The following SPAG1 variants were observed in gnomAD, a reference collection of about 807,000 sequenced individuals.
SPAG1 encodes the protein sperm-associated antigen 1.
SPAG1 carries 69 observed loss-of-function variants against 100.5 expected under a neutral mutation model. The ratio of observed to expected loss-of-function variants is 0.69; its 90% CI spans 0.57 to 0.84. The LOEUF (loss-of-function observed/expected upper bound fraction) is 0.84, where lower values mean the gene tolerates loss of function less well. Ranked by LOEUF, SPAG1 falls within the 40% of genes least tolerant of loss-of-function variation. The probability of loss-of-function intolerance (pLI) is 0.00; values close to 1 mark genes in which losing one functional copy is unlikely to be tolerated. For synonymous variants in SPAG1, 336 were observed against 411.6 expected (o/e 0.82, Z 2.22); for missense variants, 955 against 1,133.1 (o/e 0.84, Z 2.26).
intron 10 of SPAG1, among the ~76,000 whole-genome samples, chr8:100,208,059 C>T (rs1817580043): frequency 1.3e-5 from 2 of 152,198 alleles, no homozygotes; most frequent in South Asian, 4.1e-4. Context: ...CTCACCATCA[C>T]CCCTAGCAAT....
At position 100,198,103 on chromosome 8, in the gene SPAG1, A is replaced by G. The variant is rs1166754305; in HGVS notation, c.1096+3835A>G. Among the ~76,000 whole-genome samples the G allele has an allele frequency of 2.6e-5, 4 of 152,192 alleles. No individual in the cohort carries two copies. In the East Asian group the frequency reaches 7.7e-4, roughly 29 times the overall value. On this transcript the variant is annotated intron_variant, in intron 10 of 18. Transcript: ENST00000388798. Reference sequence around the variant, plus strand: ...TCCTTACAGAGACGCAATCAGAGGAAAGTGAGCATCTACCCTCCCTTGCAG... The same window carrying G: ...TCCTTACAGAGACGCAATCAGAGGAGAGTGAGCATCTACCCTCCCTTGCAG...
At position 100,213,174 on chromosome 8, in the gene SPAG1, A is replaced by G. The variant is rs1237250330; in HGVS notation, c.1181A>G (p.Glu394Gly). The change falls in exon 11 of 19, where the codon GAA becomes GGA. Residue 394 changes from glutamate to glycine, a missense_variant. Coordinates refer to ENST00000388798, the MANE Select transcript of SPAG1 (RefSeq NM_003114.5). ...CAGAAGAAGCTGACTGGCAAAGCCGAAGGCGGCAAGCGGCCGGCAAGGGGC... is the reference window on the plus strand; with the variant it reads ...CAGAAGAAGCTGACTGGCAAAGCCGGAGGCGGCAAGCGGCCGGCAAGGGGC... The part of the protein sequence containing the change: ...NIQKKLTGKA[E>G]GGKRPARGAP... The G allele has an allele frequency of 2.5e-5, 37 of 1,473,028 alleles. 1 individual carries two copies. Among genetic ancestry groups the G allele is most frequent in the Non-Finnish European group, 3.3e-5 (37 of 1,118,258 alleles). The allele number at this position is 1,473,028 out of a possible 1,614,324, so 91.2% of individuals were successfully genotyped here.
intron 16 of SPAG1, among the ~76,000 whole-genome samples, chr8:100,236,036 G>A (rs1199974273): frequency 6.6e-6 from 1 of 152,164 alleles, no homozygotes; most frequent in African/African-American, 2.4e-5. Flanking sequence ...CCTCTTACTG[G>A]CTGCCTGACT....
At chr8:100,230,472 T>C (rs1022251959) in intron 14 of SPAG1, among the ~76,000 whole-genome samples, 4 of 152,222 alleles carry the variant, frequency 2.6e-5, no homozygotes, top group Non-Finnish European at 5.9e-5. Flanking sequence ...AGACTCTGCC[T>C]CTTGTCATAT....
chr8:100,162,177 A>G, intron 1 of SPAG1, 102 bp from the exon 2 acceptor site: 1 of 1,038,500 alleles, frequency 9.6e-7, no homozygotes, highest in Non-Finnish European at 1.4e-6. Context: ...AAAAATTTTT[A>G]AAAATTCAAA....
rs139863139 is a variant in SPAG1, at chr8:100,196,555, G to T, written c.1096+2287G>T. On this transcript the variant is annotated intron_variant, in intron 10 of 18. Transcript: ENST00000388798. ...TATTCCACCAATTTTCAAAAATTGGGTTGTTGTTTTCCTACTGTTAAGTCC... is the reference window on the plus strand; with the variant it reads ...TATTCCACCAATTTTCAAAAATTGGTTTGTTGTTTTCCTACTGTTAAGTCC... Among the ~76,000 whole-genome samples, 695 of 152,208 alleles carry T rather than the reference G, an allele frequency of 4.6e-3. 5 individuals carry two copies. Among genetic ancestry groups the T allele is most frequent in the African/African-American group, 0.016 (665 of 41,538 alleles).
rs1183173171 is a variant in SPAG1, at chr8:100,176,405, G to A, written c.301-1411G>A. 6.2e-5 allele frequency among the ~76,000 whole-genome samples: 9 copies of A among 145,130 alleles called. No homozygotes were observed. The South Asian group carries it at 1.1e-3, about 17-fold the overall frequency. On this transcript the variant is annotated intron_variant, in intron 3 of 18. Transcript: ENST00000388798. Reference sequence around the variant, plus strand: ...TTTTGAGACTGAGTCTTGCTCTGTCGCCCAGGCTGGGGTGCAGTGGTGCAA... The same window carrying A: ...TTTTGAGACTGAGTCTTGCTCTGTCACCCAGGCTGGGGTGCAGTGGTGCAA...
Position 100,241,277 on chromosome 8 carries a change from A to G in SPAG1, c.*255A>G. 8.0e-6 allele frequency: 2 copies of G among 248,764 alleles called. No individual in the cohort carries two copies. Among genetic ancestry groups the G allele is most frequent in the Middle Eastern group, 1.2e-3 (1 of 814 alleles). The allele number at this position is 248,764 out of a possible 1,614,324, so 15.4% of individuals were successfully genotyped here. A position where few individuals can be genotyped will look rare whatever the true frequency, so the allele number is the denominator to read the frequency against. On this transcript the variant is annotated 3_prime_UTR_variant, in exon 19 of 19. Transcript: ENST00000388798. The surrounding 1 kb of genome is among the most constrained non-coding windows in gnomAD (Gnocchi z 5.1). ...TGTTAAAAATACATTTTAATTTATGATATACATATTATTTTAATTACTTGT... is the reference window on the plus strand; with the variant it reads ...TGTTAAAAATACATTTTAATTTATGGTATACATATTATTTTAATTACTTGT...
rs566097528 is a variant in SPAG1, at chr8:100,165,318, C to T, written c.141-496C>T. 2.4e-4 allele frequency: 124 copies of T among 510,736 alleles called. No homozygotes were observed. In the East Asian group the frequency reaches 2.7e-3, roughly 11 times the overall value. 31.6% of individuals were successfully genotyped at this position (510,736 alleles called of 1,614,324 possible). A position where few individuals can be genotyped will look rare whatever the true frequency, so the allele number is the denominator to read the frequency against. ...GGTCTGTGCAGGATTTTTTCCTATT[C>T]CATCATTGGTAATAATTGCACTTCT... is the stretch of plus-strand genomic sequence containing the variant. On this transcript the variant is annotated intron_variant, in intron 2 of 18. Coordinates refer to ENST00000388798, the MANE Select transcript of SPAG1 (RefSeq NM_003114.5).
intron 14 of SPAG1, among the ~76,000 whole-genome samples, chr8:100,230,227 G>A (rs568522556): frequency 4.6e-5 from 7 of 152,128 alleles, no homozygotes; most frequent in Admixed American, 2.0e-4. Flanking sequence ...TTGGGGTGCC[G>A]GATAGATGTC....
chr8:100,166,191 C>T (rs1815546050), intron 3 of SPAG1, among the ~76,000 whole-genome samples: 1 of 152,110 alleles, frequency 6.6e-6, no homozygotes, highest in Non-Finnish European at 1.5e-5. Context: ...AATATTCTGT[C>T]CTATTAAAAA....
chr8:100,201,446 T>C (rs1039942872), intron 10 of SPAG1, among the ~76,000 whole-genome samples: 4 of 152,154 alleles, frequency 2.6e-5, no homozygotes, highest in Non-Finnish European at 5.9e-5. Context: ...TTTTCTAAGA[T>C]TTTTATGATT....
intron 8 of SPAG1, among the ~76,000 whole-genome samples, chr8:100,187,906 G>A (rs1324824774): frequency 1.3e-5 from 2 of 152,156 alleles, no homozygotes; most frequent in African/African-American, 4.8e-5. Flanking sequence ...AGGCTGGAGT[G>A]CAGTGGCGTG....
chr8:100,206,846 G>C (rs575508716), intron 10 of SPAG1, among the ~76,000 whole-genome samples: 13 of 152,290 alleles, frequency 8.5e-5, no homozygotes, highest in African/African-American at 3.1e-4. Context: ...TTTTGAGCAG[G>C]GTCCAGAACA....
chr8:100,189,297 G>A (rs577828617), intron 8 of SPAG1, among the ~76,000 whole-genome samples: 47 of 151,944 alleles, frequency 3.1e-4, no homozygotes, highest in East Asian at 1.2e-3. Context: ...CCAATGTGGC[G>A]AAACTCCATC....
intron 15 of SPAG1, chr8:100,233,183 G>A (rs1356244297): frequency 9.0e-6 from 4 of 446,632 alleles, no homozygotes; most frequent in South Asian, 8.7e-5. Context: ...TTGTTTTAAT[G>A]GTCTGTCTCT....
At chr8:100,213,053 A>G (rs34598120) in intron 10 of SPAG1, 37 bp from the exon 11 acceptor site, 41,574 of 1,362,048 alleles carry the variant, frequency 0.031, 783 homozygotes, top group Non-Finnish European at 0.035. Flanking sequence ...GCTCCCGGTG[A>G]TGCAAACCCT....
chr8:100,169,251 T>C (rs1028820259), intron 3 of SPAG1, among the ~76,000 whole-genome samples: 1 of 152,172 alleles, frequency 6.6e-6, no homozygotes, highest in Non-Finnish European at 1.5e-5. Context: ...TTGGTACCAT[T>C]GTCAAAAATC....
intron 13 of SPAG1, among the ~76,000 whole-genome samples, chr8:100,221,242 A>G (rs928556449): frequency 9.2e-5 from 14 of 152,162 alleles, no homozygotes. Flanking sequence ...CCTGAGGAGA[A>G]TGGATGTCTT....
Sources: allele counts gnomAD v4.1 joint callset (sites outside exome capture counted in the v4.1 genomes callset), GRCh38; gene constraint gnomAD v4.1.1; non-coding constraint Gnocchi (gnomAD v3.1); transcripts MANE v1.5; gene names NCBI Gene and HGNC (gene_info 2026-07-23, HGNC 2026-07-21).